SV2B: variants seen among roughly 807,000 people sequenced by gnomAD.
The protein encoded by SV2B is synaptic vesicle glycoprotein 2B.
SV2B carries 41 observed loss-of-function variants against 73.9 expected under a neutral mutation model. The ratio of observed to expected loss-of-function variants is 0.56; its 90% confidence interval spans 0.43 to 0.72. The LOEUF is 0.72. Among genes scored for constraint, SV2B ranks in the 30% least tolerant of loss-of-function variants. The pLI is 0.00. For missense variants in SV2B, 764 were observed against 857.8 expected, an observed-to-expected ratio of 0.89 and a Z score of 1.37; for synonymous variants, 314 against 314.2, an observed-to-expected ratio of 1.00 and a Z score of 0.01.
In SV2B at chr15:91,240,063, A is replaced by G. The variant is rs1483338899; in HGVS notation, c.452-11756A>G. 6.6e-6 allele frequency among the ~76,000 whole-genome samples: 1 copy of G among 152,210 alleles called. No individual in the cohort carries two copies. Among genetic ancestry groups the G allele is most frequent in the Non-Finnish European group, 1.5e-5 (1 of 68,050 alleles). ...GTCTGAGGAGGCAATCTCTCTGAAC[A>G]CGTTTAATACCTGAACAAAAGCCAG... On this transcript the variant is annotated intron_variant, in intron 2 of 12. Coordinates refer to ENST00000394232, the MANE Select transcript of SV2B (RefSeq NM_001323032.3). This position sits in a 1 kb window ranked among gnomAD's most constrained non-coding sequence, Gnocchi z 4.6.
At chr15:91,134,995 CTTT>C (rs3082093) in intron 1 of SV2B, among the ~76,000 whole-genome samples, 174 of 137,340 alleles carry the variant, frequency 1.3e-3, no homozygotes, top group Admixed American at 1.7e-3. Flanking sequence ...ATTTCTCAAC[CTTT>C]TTTTTTTTTT....
In SV2B at chr15:91,295,293, C is replaced by T. The variant is rs767819765; in HGVS notation, c.*2741C>T. On this transcript the variant is annotated 3_prime_UTR_variant, in exon 13 of 13. Coordinates refer to ENST00000394232, the MANE Select transcript of SV2B (RefSeq NM_001323032.3). ...AAAATAATTAGTGAAAGAGGTGTGCCTATCTGTGAAGTTTGTAGTACATCA... is the reference window on the plus strand; with the variant it reads ...AAAATAATTAGTGAAAGAGGTGTGCTTATCTGTGAAGTTTGTAGTACATCA... 1 of 152,150 alleles carries T rather than the reference C, an allele frequency of 6.6e-6. No homozygotes were observed. The highest frequency in any genetic ancestry group is 6.6e-5 in the Admixed American group (1 of 15,260). 9.4% of individuals were successfully genotyped at this position (152,150 alleles called of 1,614,324 possible).
rs2047497279 is a variant in SV2B, at chr15:91,251,873, C to G, written c.506C>G (p.Ala169Gly). Reference protein sequence around the residue: ...MAGAFILGGLADKLGRKRVLS... With the variant: ...MAGAFILGGLGDKLGRKRVLS... ...GGCGCCTTCATCCTGGGAGGCCTGG[C>G]TGATAAGCTGGGAAGGAAGCGAGTC... The change falls in exon 3 of 13, where the codon GCT (alanine) becomes GGT (glycine). Residue 169 changes from alanine to glycine, a missense_variant. Physicochemically the swap from Ala to Gly is moderately conservative, Grantham distance 60. Coordinates refer to ENST00000394232, the MANE Select transcript of SV2B (RefSeq NM_001323032.3). The G allele has an allele frequency of 6.2e-7, 1 of 1,614,172 alleles. No homozygotes were observed. Among genetic ancestry groups the G allele is most frequent in the Non-Finnish European group, 8.5e-7 (1 of 1,180,036 alleles).
intron 1 of SV2B, among the ~76,000 whole-genome samples, chr15:91,180,296 A>T (rs1434191899): frequency 6.6e-6 from 1 of 152,054 alleles, no homozygotes; most frequent in African/African-American, 2.4e-5. Context: ...TTTGTGGGTA[A>T]CCTGACCTTT....
chr15:91,212,321 G>A (rs1461232123), intron 1 of SV2B, among the ~76,000 whole-genome samples: 2 of 152,126 alleles, frequency 1.3e-5, no homozygotes, highest in Non-Finnish European at 2.9e-5. Context: ...CAAGTTTTAG[G>A]TGTCAATTAG....
chr15:91,291,683 G>C (rs541842552), intron 12 of SV2B, among the ~76,000 whole-genome samples: 2 of 152,138 alleles, frequency 1.3e-5, no homozygotes, highest in African/African-American at 2.4e-5. Context: ...GGTGGTGCAG[G>C]CTCTTTCTAT....
rs2045295462 is a variant in SV2B, at chr15:91,197,551, AAACC to A, written c.-391-28319_-391-28316del. Reference sequence around the variant, plus strand: ...CATTGTTTTTAATAGAAGAAAAAAAAAACCAAACCAAACCAAACAAAACAAAACA... The same window carrying A: ...CATTGTTTTTAATAGAAGAAAAAAAAAAACCAAACCAAACAAAACAAAACA... On this transcript the variant is annotated intron_variant, in intron 1 of 12. Coordinates refer to ENST00000394232, the MANE Select transcript of SV2B (RefSeq NM_001323032.3). The surrounding 1 kb of genome is among the most constrained non-coding windows in gnomAD (Gnocchi z 4.9). Among the ~76,000 whole-genome samples, 1 of 147,896 alleles carries A rather than the reference AAACC, an allele frequency of 6.8e-6. No homozygotes were observed. Among genetic ancestry groups the A allele is most frequent in the African/African-American group, 2.7e-5 (1 of 37,598 alleles).
rs1476403046 is a variant in SV2B, at chr15:91,267,370, T to C, written c.1120-185T>C. On this transcript the variant is annotated intron_variant, in intron 7 of 12. Coordinates refer to ENST00000394232, the MANE Select transcript of SV2B (RefSeq NM_001323032.3). The surrounding 1 kb of genome is among the most constrained non-coding windows in gnomAD (Gnocchi z 4.3). ...ACTGTTAGAGTATGAGGCCAGCCAG[T>C]AGGAAGAGAAGAGGCTTTCCTTGTT... 6.6e-6 allele frequency among the ~76,000 whole-genome samples: 1 copy of C among 152,176 alleles called. No homozygotes were observed. Among genetic ancestry groups the C allele is most frequent in the Non-Finnish European group, 1.5e-5 (1 of 68,024 alleles).
rs202084958 is a variant in SV2B, at chr15:91,226,491, C to G, written c.228C>G (p.Gly76=). 3 of 1,614,180 alleles carry G rather than the reference C, an allele frequency of 1.9e-6. No homozygotes were observed. The highest frequency in any genetic ancestry group is 2.7e-5 in the African/African-American group (2 of 75,054). ...CCTCCAGAATGGACAGCCTTCGGGG[C>G]CAGACAGACCTGATGGCTGAGAGGC... ...MAPSRMDSLR[G]QTDLMAERLE... The change falls in exon 2 of 13, where the codon GGC becomes GGG. Residue 76 remains glycine, a synonymous_variant. Transcript: ENST00000394232.
chr15:91,262,316 G>A (rs1253072566), intron 6 of SV2B, among the ~76,000 whole-genome samples: 2 of 152,120 alleles, frequency 1.3e-5, no homozygotes, highest in South Asian at 2.1e-4. Context: ...CTACACAGAC[G>A]TTAACCATTA....
chr15:91,271,632 C>T (rs182911402), intron 9 of SV2B, among the ~76,000 whole-genome samples: 1 of 152,210 alleles, frequency 6.6e-6, no homozygotes, highest in Non-Finnish European at 1.5e-5. Flanking sequence ...CCCATAATTC[C>T]CCCACTCCCT....
chr15:91,159,118 C>A (rs2043619580), intron 1 of SV2B, among the ~76,000 whole-genome samples: 1 of 152,090 alleles, frequency 6.6e-6, no homozygotes, highest in African/African-American at 2.4e-5. Context: ...TGTTGAGGAG[C>A]TGCTGCCTTA....
rs976711027 is a variant in SV2B, at chr15:91,270,975, G to A, written c.1373+2370G>A. ...GAGGACGGTGAGTCCTGTGGATGAT[G>A]GGCGGACGGTGAGTCCTGTGGATGA... On this transcript the variant is annotated intron_variant, in intron 9 of 12. Transcript: ENST00000394232. 4.6e-5 allele frequency among the ~76,000 whole-genome samples: 7 copies of A among 150,920 alleles called. 1 individual carries two copies. The highest frequency in any genetic ancestry group is 1.5e-4 in the African/African-American group (6 of 40,568).
Position 91,297,136 on chromosome 15 carries a change from AC to A in SV2B, c.*4585del, listed in dbSNP as rs199727541. On this transcript the variant is annotated 3_prime_UTR_variant, in exon 13 of 13. Transcript: ENST00000394232. The surrounding 1 kb of genome is among the most constrained non-coding windows in gnomAD (Gnocchi z 5.1). ...CTCCTTCTGCCTGATTGTTGGAAGC[AC>A]GCTCCTTCTGCCTTCAGACTCCTTG... The A allele has an allele frequency of 0.021, 3,214 of 154,340 alleles. 86 individuals carry two copies. The highest frequency in any genetic ancestry group is 0.056 in the African/African-American group (2,325 of 41,416). The allele number at this position is 154,340 out of a possible 1,614,324, so 9.6% of individuals were successfully genotyped here.
intron 9 of SV2B, among the ~76,000 whole-genome samples, chr15:91,273,192 G>A (rs2048374538): frequency 2.6e-5 from 4 of 152,098 alleles, no homozygotes; most frequent in South Asian, 2.1e-4. Context: ...AAAGCTCCTC[G>A]AAGATGCCAG....
At chr15:91,247,914 G>T (rs911376424) in intron 2 of SV2B, among the ~76,000 whole-genome samples, 12 of 152,088 alleles carry the variant, frequency 7.9e-5, no homozygotes, top group Non-Finnish European at 1.2e-4. Context: ...ATTGCAAACT[G>T]GTAGGTTAGA....
rs1300390542 is a variant in SV2B, at chr15:91,292,866, C to G, written c.*314C>G. ...GCGAGGAGCAAGCATTTCTCTAAGT[C>G]AAGTGCAAGGACTTAACTTGCGTTT... On this transcript the variant is annotated 3_prime_UTR_variant, in exon 13 of 13. Transcript: ENST00000394232. 2 of 212,398 alleles carry G rather than the reference C, an allele frequency of 9.4e-6. No individual in the cohort carries two copies. Among genetic ancestry groups the G allele is most frequent in the African/African-American group, 4.6e-5 (2 of 43,874 alleles). The allele number at this position is 212,398 out of a possible 1,614,324, so 13.2% of individuals were successfully genotyped here.
intron 9 of SV2B, among the ~76,000 whole-genome samples, chr15:91,279,351 C>T (rs2048609223): frequency 6.6e-6 from 1 of 152,208 alleles, no homozygotes; most frequent in Non-Finnish European, 1.5e-5. Context: ...CTGAAGGCAA[C>T]TGAAACAAAG....
chr15:91,276,845 G>A (rs1416375392), intron 9 of SV2B, among the ~76,000 whole-genome samples: 1 of 139,888 alleles, frequency 7.1e-6, no homozygotes. Flanking sequence ...ATTTGAGACA[G>A]AGTTTTGCTC....
Sources: allele counts gnomAD v4.1 joint callset (sites outside exome capture counted in the v4.1 genomes callset), GRCh38; gene constraint gnomAD v4.1.1; non-coding constraint Gnocchi (gnomAD v3.1); transcripts MANE v1.5; gene names NCBI Gene and HGNC (gene_info 2026-07-23, HGNC 2026-07-21).